POU2F2: variants seen among roughly 807,000 people sequenced by gnomAD.
POU2F2 encodes POU class 2 homeobox 2.
A neutral mutation model predicts 63.5 loss-of-function variants in POU2F2; 14 were observed. The observed-to-expected ratio is 0.22, with a 90% confidence interval of 0.15 to 0.34. POU2F2 has a LOEUF of 0.34. POU2F2 is among the 10% of genes least tolerant of loss of function. The probability of loss-of-function intolerance (pLI) is 1.00; values close to 1 mark genes in which losing one functional copy is unlikely to be tolerated. For synonymous variants in POU2F2, 306 were observed against 348.6 expected (o/e 0.88, Z 1.36); for missense variants, 607 against 815.2 (o/e 0.74, Z 3.11).
At chr19:42,097,237 G>A (rs1288311606) in intron 7 of POU2F2, among the ~76,000 whole-genome samples, 1 of 106,182 alleles carries the variant, frequency 9.4e-6, no homozygotes, top group Non-Finnish European at 1.8e-5. Context: ...CACCCTTGTT[G>A]CCTAGGCTGG....
At chr19:42,141,732 G>C (rs1043186559) in intron 2 of POU2F2, among the ~76,000 whole-genome samples, 7 of 152,022 alleles carry the variant, frequency 4.6e-5, no homozygotes, top group South Asian at 2.1e-4. Flanking sequence ...CACCTGCCTT[G>C]GCCTCCCAAA....
intron 7 of POU2F2, among the ~76,000 whole-genome samples, chr19:42,098,108 G>A (rs1008356451): frequency 6.6e-6 from 1 of 152,056 alleles, no homozygotes; most frequent in Non-Finnish European, 1.5e-5. Context: ...GCCTGTTTCA[G>A]TTTTCAGAAA....
chr19:42,103,977 A>T (rs1176837498), intron 5 of POU2F2, among the ~76,000 whole-genome samples: 2 of 152,208 alleles, frequency 1.3e-5, no homozygotes, highest in Non-Finnish European at 2.9e-5. Flanking sequence ...GATTTTGCAA[A>T]TAACTCTATA....
At chr19:42,102,265 C>G (rs2077172414) in intron 5 of POU2F2, among the ~76,000 whole-genome samples, 1 of 152,110 alleles carries the variant, frequency 6.6e-6, no homozygotes, top group Non-Finnish European at 1.5e-5. Flanking sequence ...AGTGAGAGAG[C>G]TAGTCATGAC....
At chr19:42,123,430 G>A (rs956047286) in intron 1 of POU2F2, among the ~76,000 whole-genome samples, 9 of 152,162 alleles carry the variant, frequency 5.9e-5, no homozygotes, top group Non-Finnish European at 7.3e-5. Context: ...TGTCCTCAAA[G>A]CGCTCTGATA....
chr19:42,090,498 G>A lies in POU2F2; in HGVS notation c.*759C>T, dbSNP rs1461922327. 6.5e-6 allele frequency: 1 copy of A among 152,692 alleles called. No homozygotes were observed. The highest frequency in any genetic ancestry group is 2.4e-5 in the African/African-American group (1 of 41,456). The allele number at this position is 152,692 out of a possible 1,614,324, so 9.5% of individuals were successfully genotyped here. A position where few individuals can be genotyped will look rare whatever the true frequency, so the allele number is the denominator to read the frequency against. On this transcript the variant is annotated 3_prime_UTR_variant, in exon 15 of 15. Transcript: ENST00000692977. The surrounding 1 kb of genome is among the most constrained non-coding windows in gnomAD (Gnocchi z 4.4). ...TGCTGGGGGGAGGGAGGAGGTTAAA[G>A]CAAGACCCCCTGCCCAGGTGGGGAG...
intron 5 of POU2F2, among the ~76,000 whole-genome samples, chr19:42,107,217 T>A (rs1306761395): frequency 6.6e-6 from 1 of 151,684 alleles, no homozygotes; most frequent in African/African-American, 2.4e-5. Context: ...TAGCCAGGTG[T>A]GGTGGCGGGC....
chr19:42,141,997 G>T (rs919132564), intron 2 of POU2F2, among the ~76,000 whole-genome samples: 1 of 152,164 alleles, frequency 6.6e-6, no homozygotes, highest in Non-Finnish European at 1.5e-5. Context: ...GACATGAAAA[G>T]TTCTCCAAGA....
At chr19:42,194,901 G>C (rs62119628) in intron 1 of POU2F2, among the ~76,000 whole-genome samples, 17,056 of 121,012 alleles carry the variant, frequency 0.14, 1,550 homozygotes, top group Middle Eastern at 0.21. Flanking sequence ...GAAAGGGAGG[G>C]AGGGAAGGAG....
intron 1 of POU2F2, among the ~76,000 whole-genome samples, chr19:42,188,950 A>AGGAAGGAG (rs1460967186): frequency 2.0e-5 from 3 of 149,948 alleles, no homozygotes; most frequent in Non-Finnish European, 4.4e-5. Context: ...GAAGGAAGGA[A>AGGAAGGAG]GGGAGTTTTG....
upstream of POU2F2, chr19:42,132,591 A>C: frequency 2.9e-5 from 14 of 481,220 alleles, no homozygotes; most frequent in East Asian, 7.2e-5. Flanking sequence ...ACCCCAAATC[A>C]TGTGTGTGTG....
At chr19:42,192,437 G>A (rs1047549055) in intron 1 of POU2F2, among the ~76,000 whole-genome samples, 1 of 152,174 alleles carries the variant, frequency 6.6e-6, no homozygotes, top group African/African-American at 2.4e-5. Context: ...CAAGGGTGGG[G>A]TTGGATCTAA....
At chr19:42,108,996 T>G (rs577461199) in intron 5 of POU2F2, among the ~76,000 whole-genome samples, 2 of 152,294 alleles carry the variant, frequency 1.3e-5, no homozygotes, top group South Asian at 4.1e-4. Context: ...ATGAATGAGG[T>G]GAAACCTCAG....
At chr19:42,170,488 A>AC (rs1599709925) in intron 1 of POU2F2, among the ~76,000 whole-genome samples, 1 of 152,046 alleles carries the variant, frequency 6.6e-6, no homozygotes, top group East Asian at 1.9e-4. Context: ...AGCTTTCTAC[A>AC]CATTCAATAG....
intron 2 of POU2F2, among the ~76,000 whole-genome samples, chr19:42,150,505 A>G (rs1267241515): frequency 6.6e-6 from 1 of 151,612 alleles, no homozygotes. Context: ...AGGGCAGCTG[A>G]CAATAAAAAT....
intron 1 of POU2F2, among the ~76,000 whole-genome samples, chr19:42,188,702 A>T (rs1011277112): frequency 1.4e-5 from 2 of 146,040 alleles, no homozygotes; most frequent in African/African-American, 5.0e-5. Flanking sequence ...AAAGTGAAAG[A>T]AAGACAGAGA....
chr19:42,091,462 C>T lies in POU2F2; in HGVS notation c.1670G>A (p.Gly557Glu), dbSNP rs1568967638. ...AGGCGGGGTGCTGAGCAGGGGCAGC[C>T]CAGCATGATTCAAGAAGAGCGGCGA... is the stretch of plus-strand genomic sequence containing the variant. ...VTSPLFLNHA[G>E]LPLLSTPPGV... The change falls in exon 15 of 15, where the codon GGG (glycine) becomes GAG (glutamate). Residue 557 changes from glycine to glutamate, a missense_variant. This residue lies in a region of POU2F2 where 270 missense variants were observed against 307.5 expected (regional missense o/e 0.88). Coordinates refer to ENST00000692977, the MANE Select transcript of POU2F2 (RefSeq NM_001394376.1). The T allele has an allele frequency of 6.4e-7, 1 of 1,550,394 alleles. No homozygotes were observed. The highest frequency in any genetic ancestry group is 1.2e-5 in the South Asian group (1 of 83,996).
Position 42,096,331 on chromosome 19 carries a change from T to C in POU2F2, c.568-88A>G. On this transcript the variant is annotated intron_variant, in intron 7 of 14. Transcript: ENST00000692977. The surrounding 1 kb of genome is among the most constrained non-coding windows in gnomAD (Gnocchi z 4.1). ...GTGCACAGTCCCCCTCCCGCCCTCT[T>C]CGCCCCTGCGTTCCATCCGCCGCCT... 1 of 1,346,470 alleles carries C rather than the reference T, an allele frequency of 7.4e-7. No homozygotes were observed. The highest frequency in any genetic ancestry group is 1.5e-5 in the South Asian group (1 of 67,428). 83.4% of individuals were successfully genotyped at this position (1,346,470 alleles called of 1,614,324 possible). A position where few individuals can be genotyped will look rare whatever the true frequency, so the allele number is the denominator to read the frequency against.
intron 7 of POU2F2, among the ~76,000 whole-genome samples, chr19:42,097,967 G>A (rs1415491435): frequency 2.0e-5 from 3 of 152,234 alleles, no homozygotes; most frequent in South Asian, 2.1e-4. Context: ...ACCCCTCTCA[G>A]GTTTTGTTGT....
Sources: gnomAD v4.1 joint callset for allele counts (sites outside exome capture counted in the v4.1 genomes callset) on GRCh38, gnomAD v4.1.1 for gene constraint, gnomAD v4.1.1 regional missense constraint, Gnocchi (gnomAD v3.1) non-coding constraint, MANE v1.5 for transcripts, NCBI Gene and HGNC (gene_info 2026-07-23, HGNC 2026-07-21) for gene names.